MTHFD2L: variants seen among roughly 807,000 people sequenced by gnomAD.
MTHFD2L encodes the protein methylenetetrahydrofolate dehydrogenase (NADP+ dependent) 2 like.
A neutral mutation model predicts 34.9 loss-of-function variants in MTHFD2L; 29 were observed. The ratio of observed to expected loss-of-function variants is 0.83; its 90% CI spans 0.62 to 1.13. The LOEUF (loss-of-function observed/expected upper bound fraction) is 1.13, where lower values mean the gene tolerates loss of function less well. MTHFD2L is among the 50% of genes most tolerant of loss of function. The pLI, the probability that MTHFD2L is intolerant of heterozygous loss-of-function variation, is 0.00. For synonymous variants in MTHFD2L, 167 were observed against 155.7 expected, an observed-to-expected ratio of 1.07 and a Z score of -0.54; for missense variants, 481 against 446.5, an observed-to-expected ratio of 1.08 and a Z score of -0.70.
chr4:74,247,973 G>A (rs377579506), intron 6 of MTHFD2L, among the ~76,000 whole-genome samples: 5 of 152,080 alleles, frequency 3.3e-5, no homozygotes, highest in African/African-American at 4.8e-5. Flanking sequence ...CGGCTTTGGT[G>A]TCAGGATGAT....
At chr4:74,114,967 G>A (rs1247164287) in intron 2 of MTHFD2L, among the ~76,000 whole-genome samples, 1 of 152,176 alleles carries the variant, frequency 6.6e-6, no homozygotes, top group Non-Finnish European at 1.5e-5. Context: ...CAGGATTCTA[G>A]ATCAAAGCAT....
At chr4:74,267,743 G>A (rs922688346) in intron 6 of MTHFD2L, 15 of 985,250 alleles carry the variant, frequency 1.5e-5, no homozygotes, top group Non-Finnish European at 1.8e-5. Context: ...TTGATTGATG[G>A]GAGGAAGAAA....
chr4:74,195,094 G>A (rs1733243074), intron 3 of MTHFD2L: 1 of 152,218 alleles, frequency 6.6e-6, no homozygotes, highest in African/African-American at 2.4e-5. Flanking sequence ...CAGGCAGATA[G>A]AAAGCTATAG....
chr4:74,203,963 C>T (rs1032956908), intron 5 of MTHFD2L, among the ~76,000 whole-genome samples: 6 of 151,838 alleles, frequency 4.0e-5, no homozygotes, highest in Non-Finnish European at 7.4e-5. Flanking sequence ...TGTATTGCTC[C>T]GTGATTTGCT....
chr4:74,228,199 T>C (rs1237541961), intron 6 of MTHFD2L, among the ~76,000 whole-genome samples: 1 of 152,196 alleles, frequency 6.6e-6, no homozygotes, highest in Non-Finnish European at 1.5e-5. Context: ...AGTAAACTTT[T>C]TCAGACCACA....
At chr4:74,127,900 C>G (rs1722195065) in intron 1 of MTHFD2L, among the ~76,000 whole-genome samples, 1 of 152,106 alleles carries the variant, frequency 6.6e-6, no homozygotes, top group Non-Finnish European at 1.5e-5. Context: ...TCCATCCTCG[C>G]CAGCATCTGT....
chr4:74,214,353 A>T (rs995758454), intron 5 of MTHFD2L, among the ~76,000 whole-genome samples: 3 of 151,294 alleles, frequency 2.0e-5, no homozygotes, highest in Admixed American at 2.0e-4. Context: ...GGATTTATTT[A>T]CCTTTGGTCT....
chr4:74,134,405 T>G (rs752523892), intron 1 of MTHFD2L, among the ~76,000 whole-genome samples: 2 of 152,092 alleles, frequency 1.3e-5, no homozygotes, highest in Admixed American at 6.6e-5. Flanking sequence ...GCCATGGCCA[T>G]TTGCAAAAGT....
At chr4:74,214,851 T>G (rs1736921752) in intron 5 of MTHFD2L, among the ~76,000 whole-genome samples, 1 of 151,684 alleles carries the variant, frequency 6.6e-6, no homozygotes. Flanking sequence ...AATGAGAGTT[T>G]TATCTATAAG....
intron 3 of MTHFD2L, among the ~76,000 whole-genome samples, chr4:74,182,276 G>A (rs1730338479): frequency 6.6e-6 from 1 of 152,130 alleles, no homozygotes; most frequent in Admixed American, 6.6e-5. Flanking sequence ...AGTGAATCCT[G>A]TAGTTTTTCA....
At chr4:74,240,942 T>C (rs1300484955) in intron 6 of MTHFD2L, among the ~76,000 whole-genome samples, 1 of 152,180 alleles carries the variant, frequency 6.6e-6, no homozygotes, top group Non-Finnish European at 1.5e-5. Context: ...GTGAATTAAA[T>C]GGATAAATCA....
rs1420006468 is a variant in MTHFD2L at position 74,271,596 on chromosome 4, A to C, written c.806-9829A>C. Among the ~76,000 whole-genome samples, 3 of 152,194 alleles carry C rather than the reference A, an allele frequency of 2.0e-5. No individual in the cohort carries two copies. The East Asian group carries it at 5.8e-4, about 29-fold the overall frequency. ...TAGCCTTGTAGTATAGTTTGAAGTC[A>C]GGTAGCATGATGCCTCCAGCTTGTT... On this transcript the variant is annotated intron_variant, in intron 6 of 7. Transcript: ENST00000325278.
chr4:74,292,155 A>G (rs1475008960), intron 7 of MTHFD2L, among the ~76,000 whole-genome samples: 3 of 152,316 alleles, frequency 2.0e-5, no homozygotes, highest in Non-Finnish European at 2.9e-5. Flanking sequence ...TAGTAAGTCA[A>G]CTGCCTCCAT....
At position 74,158,165 on chromosome 4, in the gene MTHFD2L, G is replaced by T. The variant is rs1264651803; in HGVS notation, c.27G>T (p.Ser9=). Residue 9 remains serine (S), a synonymous_variant, in exon 1 of 8, where the codon TCG becomes TCT. Transcript: ENST00000325278. MTVPVRGF[S]LLRGRLGRAP... ...TGACGGTGCCGGTCCGCGGCTTCTC[G>T]CTGCTCCGCGGCCGCCTTGGCCGAG... The T allele has an allele frequency of 2.6e-6, 4 of 1,529,024 alleles. No homozygotes were observed. The highest frequency in any genetic ancestry group is 3.5e-6 in the Non-Finnish European group (4 of 1,139,424). 94.7% of individuals were successfully genotyped at this position (1,529,024 alleles called of 1,614,324 possible).
In MTHFD2L at chr4:74,158,213, A is replaced by G. The variant is rs1328817254; in HGVS notation, c.75A>G (p.Thr25=). 1.3e-6 allele frequency: 2 copies of G among 1,516,788 alleles called. No homozygotes were observed. The highest frequency in any genetic ancestry group is 2.5e-5 in the East Asian group (1 of 40,442). 94.0% of individuals were successfully genotyped at this position (1,516,788 alleles called of 1,614,324 possible). A position where few individuals can be genotyped will look rare whatever the true frequency, so the allele number is the denominator to read the frequency against. Residue 25 remains threonine, a synonymous_variant, in exon 1 of 8, where the codon ACA becomes ACG. Coordinates refer to ENST00000325278, the MANE Select transcript of MTHFD2L (RefSeq NM_001144978.3). ...LGRAPALGRS[T]APSVRAPGEP... ...GAGCGCCGGCGTTGGGCAGAAGCAC[A>G]GCACCCTCCGTAAGGGCACCGGGAG...
rs1726814921 is a variant in MTHFD2L at position 74,166,839 on chromosome 4, C to T, written c.144-7667C>T. Reference sequence around the variant, plus strand: ...CAGGTCAGCTTCCATTAATTCAGGTCCAAGCCTATCCCCAGGGACCCAAAC... The same window carrying T: ...CAGGTCAGCTTCCATTAATTCAGGTTCAAGCCTATCCCCAGGGACCCAAAC... On this transcript the variant is annotated intron_variant, in intron 1 of 7. Transcript: ENST00000325278. 3.3e-5 allele frequency among the ~76,000 whole-genome samples: 5 copies of T among 152,180 alleles called. No individual in the cohort carries two copies. In the South Asian group the frequency reaches 1.0e-3, roughly 31 times the overall value.
intron 3 of MTHFD2L, among the ~76,000 whole-genome samples, chr4:74,197,627 A>G (rs6818480): frequency 2.6e-4 from 39 of 152,130 alleles, no homozygotes; most frequent in African/African-American, 8.4e-4. Context: ...GGAAAAACTG[A>G]TCTTAGAACA....
chr4:74,267,281 A>G, intron 6 of MTHFD2L: 1 of 939,640 alleles, frequency 1.1e-6, no homozygotes, highest in Non-Finnish European at 1.2e-6. Context: ...TCTTTTTTCT[A>G]TTCTATTCTT....
chr4:74,118,281 C>T (rs1176029284), intron 2 of MTHFD2L, among the ~76,000 whole-genome samples: 5 of 152,176 alleles, frequency 3.3e-5, no homozygotes, highest in Non-Finnish European at 5.9e-5. Flanking sequence ...TTTGTCCTCT[C>T]CTGATTCACA....
Sources: gnomAD v4.1 joint callset for allele counts (sites outside exome capture counted in the v4.1 genomes callset) on GRCh38, gnomAD v4.1.1 for gene constraint, MANE v1.5 for transcripts, NCBI Gene and HGNC (gene_info 2026-07-23, HGNC 2026-07-21) for gene names.